The following RIN2 variants were observed in gnomAD, a reference collection of about 807,000 sequenced individuals.
RIN2 encodes RAB5 interacting protein 2.
Under a neutral mutation model 78.0 loss-of-function variants are expected in RIN2, and 36 were observed. The ratio of observed to expected loss-of-function variants is 0.46; its 90% CI spans 0.35 to 0.61. The LOEUF is 0.61. Among genes scored for constraint, RIN2 ranks in the 20% least tolerant of loss-of-function variants. RIN2 has a pLI of 0.00. For missense variants in RIN2, 1,087 were observed against 1,159.7 expected, an observed-to-expected ratio of 0.94 and a Z score of 0.91; for synonymous variants, 466 against 466.8, an observed-to-expected ratio of 1.00 and a Z score of 0.02.
At chr20:19,903,785 A>G (rs997153884) in intron 3 of RIN2, among the ~76,000 whole-genome samples, 1 of 152,236 alleles carries the variant, frequency 6.6e-6, no homozygotes. Context: ...TTCTCCAACT[A>G]TCTCTGAATC....
chr20:19,762,340 G>C (rs1309889955), intron 1 of RIN2, among the ~76,000 whole-genome samples: 2 of 152,172 alleles, frequency 1.3e-5, no homozygotes, highest in African/African-American at 4.8e-5. Flanking sequence ...TAGAATTTCA[G>C]GGACTCAAAG....
intron 2 of RIN2, among the ~76,000 whole-genome samples, chr20:19,863,707 G>A (rs920511953): frequency 1.3e-5 from 2 of 152,070 alleles, no homozygotes; most frequent in Non-Finnish European, 2.9e-5. Context: ...CTTGCCTTGG[G>A]GTTTGCTTCT....
intron 2 of RIN2, among the ~76,000 whole-genome samples, chr20:19,841,066 G>T (rs973924708): frequency 6.6e-6 from 1 of 151,964 alleles, no homozygotes. Context: ...TAACTACCCG[G>T]CAAGGACTTT....
At chr20:19,810,981 GATTA>G (rs1410542294) in intron 2 of RIN2, among the ~76,000 whole-genome samples, 1 of 151,614 alleles carries the variant, frequency 6.6e-6, no homozygotes, top group African/African-American at 2.4e-5. Flanking sequence ...AAAGTGCTGG[GATTA>G]CAGGCGTGAA....
Position 19,935,114 on chromosome 20 carries a change from G to T in RIN2, c.73G>T (p.Ala25Ser). 6.3e-7 allele frequency: 1 copy of T among 1,598,894 alleles called. No individual in the cohort carries two copies. The highest frequency in any genetic ancestry group is 2.3e-5 in the East Asian group (1 of 44,168). Residue 25 changes from alanine to serine, a missense_variant, in exon 4 of 13, where the codon GCC (alanine) becomes TCC (serine). Around this residue, in one of 8 missense-constraint regions of RIN2, gnomAD observed 706 missense variants for 667.5 expected, o/e 1.06. Coordinates refer to ENST00000255006, the MANE Select transcript of RIN2 (RefSeq NM_018993.4). ...GSFFKLIDTI[A>S]SEIGELKQEM... ...CTTTGAATAGCTCATTGACACAATTGCCTCGGAGATCGGAGAACTGAAACA... is the reference window on the plus strand; with the variant it reads ...CTTTGAATAGCTCATTGACACAATTTCCTCGGAGATCGGAGAACTGAAACA...
chr20:19,760,788 T>G (rs1600383869), intron 1 of RIN2, among the ~76,000 whole-genome samples: 1 of 152,274 alleles, frequency 6.6e-6, no homozygotes, highest in Non-Finnish European at 1.5e-5. Context: ...CTAATGAACC[T>G]TCAAGAATCC....
At chr20:19,932,352 C>G (rs1157077820) in intron 3 of RIN2, among the ~76,000 whole-genome samples, 4 of 152,168 alleles carry the variant, frequency 2.6e-5, no homozygotes, top group African/African-American at 9.7e-5. Context: ...AAATAAACTT[C>G]TGTTCTTAAT....
At chr20:19,859,696 A>G (rs1365885946) in intron 2 of RIN2, among the ~76,000 whole-genome samples, 1 of 152,194 alleles carries the variant, frequency 6.6e-6, no homozygotes, top group East Asian at 1.9e-4. Context: ...AGCCAGATCC[A>G]TTGATATACC....
intron 2 of RIN2, among the ~76,000 whole-genome samples, chr20:19,861,959 C>CTCACCCTCCATATCTGATGA (rs747834138): frequency 3.2e-4 from 45 of 140,948 alleles, no homozygotes; most frequent in African/African-American, 1.1e-3. Flanking sequence ...ATATTTGATG[C>CTCACCCTCCATATCTGATGA]TCACCCTCCA....
chr20:19,991,097 T>C (rs1337967025), intron 10 of RIN2, among the ~76,000 whole-genome samples: 1 of 152,124 alleles, frequency 6.6e-6, no homozygotes, highest in Non-Finnish European at 1.5e-5. Context: ...CTGAGTGAAA[T>C]TGCTTAATGG....
At position 19,975,244 on chromosome 20, in the gene RIN2, G is replaced by A; in HGVS notation, c.1219G>A (p.Asp407Asn). 2.5e-6 allele frequency: 4 copies of A among 1,583,370 alleles called. No individual in the cohort carries two copies. The highest frequency in any genetic ancestry group is 1.3e-5 in the African/African-American group (1 of 74,498). Residue 407 changes from aspartate to asparagine, a missense_variant, in exon 9 of 13, where the codon GAT becomes AAT. Physicochemically the swap from Asp to Asn is conservative, Grantham distance 23 (BLOSUM62 1). This residue lies in a region of RIN2 where 706 missense variants were observed against 667.5 expected (regional missense o/e 1.06). Coordinates refer to ENST00000255006, the MANE Select transcript of RIN2 (RefSeq NM_018993.4). This position sits in a 1 kb window ranked among gnomAD's most constrained non-coding sequence, Gnocchi z 4.9. ...GGAPPEAAPG[D>N]CTRAPPPSSE... Reference sequence around the variant, plus strand: ...GGCCCCGCCTGAGGCCGCCCCGGGGGATTGCACAAGGGCCCCGCCGCCCAG... The same window carrying A: ...GGCCCCGCCTGAGGCCGCCCCGGGGAATTGCACAAGGGCCCCGCCGCCCAG...
chr20:19,897,201 G>A (rs2123577248), intron 3 of RIN2, among the ~76,000 whole-genome samples: 1 of 152,254 alleles, frequency 6.6e-6, no homozygotes. Context: ...CGCCTTCTGA[G>A]TTCAAGTGAT....
At chr20:19,889,013 C>A in intron 2 of RIN2, 1 of 500,752 alleles carries the variant, frequency 2.0e-6, no homozygotes, top group Non-Finnish European at 2.6e-6. Flanking sequence ...GAACTGATCC[C>A]TGTAAACAGT....
chr20:19,809,512 G>A (rs7264249), intron 2 of RIN2: 15,067 of 152,314 alleles, frequency 0.099, 1,607 homozygotes, highest in African/African-American at 0.26. Flanking sequence ...TGTGGATGAC[G>A]ATGGTGACTT....
Position 19,889,257 on chromosome 20 carries a change from T to C in RIN2, c.-36-309T>C. On this transcript the variant is annotated intron_variant, in intron 2 of 12. Transcript: ENST00000255006. ...TGCAGATGATGGGGACATCTAATAT[T>C]GGGTCTGTTCACATTTCAGCAGGAG... is the stretch of plus-strand genomic sequence containing the variant. 2.9e-6 allele frequency: 3 copies of C among 1,048,176 alleles called. No homozygotes were observed. The South Asian group carries it at 1.3e-4, about 44-fold the overall frequency. 64.9% of individuals were successfully genotyped at this position (1,048,176 alleles called of 1,614,324 possible). A position where few individuals can be genotyped will look rare whatever the true frequency, so the allele number is the denominator to read the frequency against.
chr20:19,789,074 A>C (rs1056566819), intron 1 of RIN2, among the ~76,000 whole-genome samples: 4 of 152,252 alleles, frequency 2.6e-5, no homozygotes, highest in Non-Finnish European at 5.9e-5. Context: ...CAAATAGGTA[A>C]ATGGAACAGA....
chr20:19,858,912 C>A (rs570600917), intron 2 of RIN2, among the ~76,000 whole-genome samples: 16 of 152,316 alleles, frequency 1.1e-4, no homozygotes, highest in African/African-American at 3.8e-4. Flanking sequence ...GGGCTCGGGA[C>A]ATGCAGGGAG....
At chr20:19,956,368 G>T (rs1019193810) in intron 4 of RIN2, among the ~76,000 whole-genome samples, 2 of 152,118 alleles carry the variant, frequency 1.3e-5, no homozygotes, top group Non-Finnish European at 2.9e-5. Context: ...TGAAAATGGG[G>T]TTAGGAATAG....
At chr20:19,825,192 T>C (rs2036052060) in intron 2 of RIN2, among the ~76,000 whole-genome samples, 1 of 152,226 alleles carries the variant, frequency 6.6e-6, no homozygotes, top group African/African-American at 2.4e-5. Flanking sequence ...ACCCTCCCTA[T>C]ATGCCTTGTG....
Sources: allele counts gnomAD v4.1 joint callset (sites outside exome capture counted in the v4.1 genomes callset), GRCh38; gene constraint gnomAD v4.1.1; regional missense constraint gnomAD v4.1.1; non-coding constraint Gnocchi (gnomAD v3.1); transcripts MANE v1.5; gene names NCBI Gene and HGNC (gene_info 2026-07-23, HGNC 2026-07-21).